Variants in PPP6R3 observed in about 807,000 individuals in gnomAD.
The protein encoded by PPP6R3 is serine/threonine-protein phosphatase 6 regulatory subunit 3.
PPP6R3 carries 38 observed loss-of-function variants against 110.7 expected under a neutral mutation model. The observed-to-expected ratio is 0.34, with a 90% CI of 0.26 to 0.45. The LOEUF (loss-of-function observed/expected upper bound fraction) is 0.45, where lower values mean the gene tolerates loss of function less well. Among genes scored for constraint, PPP6R3 ranks in the 20% least tolerant of loss-of-function variants. The probability of loss-of-function intolerance (pLI) is 1.00; values close to 1 mark genes in which losing one functional copy is unlikely to be tolerated. For missense variants in PPP6R3, 870 were observed against 1,062.4 expected (o/e 0.82, Z 2.52); for synonymous variants, 369 against 373.5 (o/e 0.99, Z 0.14).
chr11:68,477,757 T>A (rs1296318814), intron 1 of PPP6R3, among the ~76,000 whole-genome samples: 10 of 138,788 alleles, frequency 7.2e-5, no homozygotes, highest in African/African-American at 1.4e-4. Flanking sequence ...TATATATATA[T>A]ATATATATAT....
Position 68,589,063 on chromosome 11 carries a change from G to A in PPP6R3, c.1730+1039G>A, listed in dbSNP as rs554792320. On this transcript the variant is annotated intron_variant, in intron 16 of 23. Coordinates refer to ENST00000393800, the MANE Select transcript of PPP6R3 (RefSeq NM_001164161.2). ...CTCTACTAAAAATACAAAAACAATA[G>A]CCAGGCTGGGTGGTGTGTGCCTGTA... is the stretch of plus-strand genomic sequence containing the variant. Among the ~76,000 whole-genome samples, 4 of 151,982 alleles carry A rather than the reference G, an allele frequency of 2.6e-5. No individual in the cohort carries two copies. In the East Asian group the frequency reaches 7.8e-4, roughly 29 times the overall value.
At chr11:68,481,384 A>C (rs960092478) in intron 1 of PPP6R3, among the ~76,000 whole-genome samples, 29 of 152,308 alleles carry the variant, frequency 1.9e-4, no homozygotes, top group African/African-American at 6.3e-4. Flanking sequence ...TGATCCCAGA[A>C]GCATAGGGTT....
At position 68,594,285 on chromosome 11, in the gene PPP6R3, A is replaced by AG. The variant is rs1210022572; in HGVS notation, c.1917-1811dup. The stretch of plus-strand genomic sequence containing the variant: ...AAGGGGGAGAGAGAGAGAGAGAGAG[A>AG]GAGAGAGGAGAGAGGAGAGAGAGAG... On this transcript the variant is annotated intron_variant, in intron 18 of 23. Coordinates refer to ENST00000393800, the MANE Select transcript of PPP6R3 (RefSeq NM_001164161.2). Among the ~76,000 whole-genome samples, 1,249 of 146,448 alleles carry AG rather than the reference A, an allele frequency of 8.5e-3. 3 individuals carry two copies. Among genetic ancestry groups the AG allele is most frequent in the Non-Finnish European group, 0.013 (873 of 65,790 alleles).
At chr11:68,528,443 G>GGA (rs1555110208) in intron 2 of PPP6R3, among the ~76,000 whole-genome samples, 1 of 136,712 alleles carries the variant, frequency 7.3e-6, no homozygotes, top group African/African-American at 2.7e-5. Context: ...TGGGGGGGGG[G>GGA]GCTGCACCTT....
At chr11:68,597,743 C>T (rs1432090289) in intron 19 of PPP6R3, among the ~76,000 whole-genome samples, 1 of 150,138 alleles carries the variant, frequency 6.7e-6, no homozygotes, top group Non-Finnish European at 1.5e-5. Flanking sequence ...TTTCTGGAGG[C>T]CGAGTCAGGC....
intron 2 of PPP6R3, among the ~76,000 whole-genome samples, chr11:68,534,950 A>G (rs1317670103): frequency 2.0e-5 from 3 of 152,122 alleles, no homozygotes; most frequent in Non-Finnish European, 4.4e-5. Context: ...CTTTTGGTAT[A>G]CTTTTGTCTT....
At chr11:68,593,342 G>A (rs2099601410) in intron 18 of PPP6R3, among the ~76,000 whole-genome samples, 1 of 152,080 alleles carries the variant, frequency 6.6e-6, no homozygotes, top group Non-Finnish European at 1.5e-5. Flanking sequence ...GTTGTCTAAT[G>A]TATTAGTAGT....
At chr11:68,480,966 C>A (rs766195648) in intron 1 of PPP6R3, among the ~76,000 whole-genome samples, 8 of 152,064 alleles carry the variant, frequency 5.3e-5, no homozygotes, top group African/African-American at 9.7e-5. Flanking sequence ...GAAATGGGAT[C>A]ATTTGCTTGC....
At chr11:68,595,238 G>A (rs1326104798) in intron 18 of PPP6R3, among the ~76,000 whole-genome samples, 4 of 99,378 alleles carry the variant, frequency 4.0e-5, no homozygotes, top group Admixed American at 1.1e-4. Flanking sequence ...TTTTGGAGAC[G>A]GAGTTTTGTT....
chr11:68,594,380 G>T (rs970933631), intron 18 of PPP6R3, among the ~76,000 whole-genome samples: 2 of 150,888 alleles, frequency 1.3e-5, no homozygotes, highest in African/African-American at 4.9e-5. Flanking sequence ...AATATGACTG[G>T]GCATGGTGGC....
intron 1 of PPP6R3, among the ~76,000 whole-genome samples, chr11:68,491,876 A>G (rs1565385418): frequency 6.6e-6 from 1 of 152,080 alleles, no homozygotes; most frequent in Non-Finnish European, 1.5e-5. Context: ...AGCTTAAAAA[A>G]AAAACCACAC....
intron 1 of PPP6R3, among the ~76,000 whole-genome samples, chr11:68,482,409 CAA>C (rs145649371): frequency 6.8e-4 from 46 of 67,574 alleles, no homozygotes; most frequent in African/African-American, 1.3e-3. Flanking sequence ...GTGAGACTGC[CAA>C]AAAAAAAAAA....
At chr11:68,600,663 C>A (rs1449824987) in intron 20 of PPP6R3, among the ~76,000 whole-genome samples, 169 bp downstream of exon 20, 1 of 152,224 alleles carries the variant, frequency 6.6e-6, no homozygotes, top group Non-Finnish European at 1.5e-5. Flanking sequence ...GTAAGAAGAA[C>A]AATCACCATC....
chr11:68,463,220 T>C (rs1212972992), intron 1 of PPP6R3, among the ~76,000 whole-genome samples: 1 of 151,754 alleles, frequency 6.6e-6, no homozygotes, highest in African/African-American at 2.4e-5. Context: ...AATACAAAAA[T>C]TAGTCGGTCA....
Position 68,613,653 on chromosome 11 carries a change from G to C in PPP6R3, c.*536G>C. 9 of 985,254 alleles carry C rather than the reference G, an allele frequency of 9.1e-6. No individual in the cohort carries two copies. The highest frequency in any genetic ancestry group is 1.1e-5 in the Non-Finnish European group (9 of 829,398). 61.0% of individuals were successfully genotyped at this position (985,254 alleles called of 1,614,324 possible). On this transcript the variant is annotated 3_prime_UTR_variant, in exon 24 of 24. Transcript: ENST00000393800. ...AACTTACAAAAGTGATTTTGAATAA[G>C]AAATATTTGGTGTTCTTTTTATAAC...
At chr11:68,492,440 C>T (rs562659506) in intron 1 of PPP6R3, among the ~76,000 whole-genome samples, 4 of 152,338 alleles carry the variant, frequency 2.6e-5, no homozygotes, top group African/African-American at 9.6e-5. Context: ...TAAGCCACTG[C>T]GCCTGACTAG....
chr11:68,610,059 GC>G (rs1566213461), intron 23 of PPP6R3, 36 bp downstream of exon 23: 2 of 1,606,760 alleles, frequency 1.2e-6, no homozygotes, highest in East Asian at 4.5e-5. Flanking sequence ...CCCAGGCCCT[GC>G]CCTGACCTTG....
At chr11:68,612,486 A>T (rs1944003991) in intron 23 of PPP6R3, among the ~76,000 whole-genome samples, 1 of 151,932 alleles carries the variant, frequency 6.6e-6, no homozygotes, top group Non-Finnish European at 1.5e-5. Context: ...AAACCTGGAC[A>T]CTTTGTTATA....
At chr11:68,552,343 C>T (rs1285213551) in intron 6 of PPP6R3, among the ~76,000 whole-genome samples, 1 of 152,232 alleles carries the variant, frequency 6.6e-6, no homozygotes, top group Non-Finnish European at 1.5e-5. Flanking sequence ...GCTCCTCTCT[C>T]TCACAGAAAT....
Sources: allele counts gnomAD v4.1 joint callset (sites outside exome capture counted in the v4.1 genomes callset), GRCh38; gene constraint gnomAD v4.1.1; transcripts MANE v1.5; gene names NCBI Gene and HGNC (gene_info 2026-07-23, HGNC 2026-07-21).